Variants in FBXL17 observed in about 807,000 individuals in gnomAD.
FBXL17 encodes the protein F-box/LRR-repeat protein 17.
Under a neutral mutation model 66.2 loss-of-function variants are expected in FBXL17, and 22 were observed. That is an observed-to-expected ratio of 0.33 (90% CI 0.24 to 0.47). The LOEUF (loss-of-function observed/expected upper bound fraction) is 0.47, where lower values mean the gene tolerates loss of function less well. Ranked by LOEUF, FBXL17 falls within the 20% of genes least tolerant of loss-of-function variation. FBXL17 has a pLI of 1.00. For missense variants in FBXL17, 878 were observed against 948.2 expected (o/e 0.93, Z 0.97); for synonymous variants, 474 against 400.5 (o/e 1.18, Z -2.19).
chr5:108,186,861 T>G (rs914955426), intron 5 of FBXL17, among the ~76,000 whole-genome samples: 13 of 152,158 alleles, frequency 8.5e-5, no homozygotes, highest in African/African-American at 3.1e-4. Flanking sequence ...GGCAAGGTAT[T>G]GAATATATTA....
At chr5:108,111,066 C>T (rs993393925) in intron 6 of FBXL17, among the ~76,000 whole-genome samples, 3 of 152,042 alleles carry the variant, frequency 2.0e-5, no homozygotes, top group Non-Finnish European at 2.9e-5. Flanking sequence ...ACAGTTCCAG[C>T]TGAGCAGCAA....
intron 7 of FBXL17, among the ~76,000 whole-genome samples, chr5:107,925,210 G>A (rs1750487121): frequency 6.6e-6 from 1 of 152,126 alleles, no homozygotes; most frequent in South Asian, 2.1e-4. Context: ...AAACTCCCAA[G>A]TATATTTATT....
chr5:108,317,969 C>T (rs1382984829), intron 4 of FBXL17, among the ~76,000 whole-genome samples: 1 of 151,342 alleles, frequency 6.6e-6, no homozygotes, highest in Non-Finnish European at 1.5e-5. Flanking sequence ...TAAATAATTA[C>T]AAAATTATAT....
chr5:108,367,911 A>T lies in FBXL17; in HGVS notation c.1036T>A (p.Ser346Thr), dbSNP rs1439328830. 6.4e-7 allele frequency: 1 copy of T among 1,550,904 alleles called. No homozygotes were observed. Among genetic ancestry groups the T allele is most frequent in the African/African-American group, 1.4e-5 (1 of 73,008 alleles). Residue 346 changes from serine (S) to threonine (T), a missense_variant, in exon 2 of 9, where the codon TCA becomes ACA. Around this residue, in one of 4 missense-constraint regions of FBXL17, gnomAD observed 6 missense variants for 22.6 expected, o/e 0.27. Coordinates refer to ENST00000542267, the MANE Select transcript of FBXL17 (RefSeq NM_001163315.3). ...LSLDERCLSA[S>T]LVCKYWRDLC... is the part of the protein sequence containing the mutation. ...TCACGCCAGTACTTGCAAACCAATG[A>T]TGCGGAAAGGCAACGCTCATCCAGT...
chr5:108,117,185 T>A (rs534813357), intron 6 of FBXL17, among the ~76,000 whole-genome samples: 2 of 152,340 alleles, frequency 1.3e-5, no homozygotes, highest in African/African-American at 4.8e-5. Flanking sequence ...TGCATACATT[T>A]GGCTTTCATG....
intron 7 of FBXL17, among the ~76,000 whole-genome samples, chr5:107,969,238 A>T (rs527407167): frequency 2.6e-5 from 4 of 152,290 alleles, no homozygotes; most frequent in African/African-American, 9.6e-5. Context: ...ATGGATAAAT[A>T]GCTTTCCATA....
intron 7 of FBXL17, among the ~76,000 whole-genome samples, chr5:108,009,261 T>TTATATATATATATATATATA (rs375853217): frequency 4.8e-5 from 1 of 20,866 alleles, no homozygotes; most frequent in Non-Finnish European, 8.6e-5. Context: ...GTTCCCTGTT[T>TTATATATATATATATATATA]TATATATATA....
At chr5:107,887,967 A>T (rs758980717) in intron 7 of FBXL17, among the ~76,000 whole-genome samples, 4 of 152,192 alleles carry the variant, frequency 2.6e-5, no homozygotes, top group Non-Finnish European at 2.9e-5. Context: ...ACACTTTAAA[A>T]CAGTTTGGTC....
At chr5:107,869,705 G>C (rs527961930) in intron 8 of FBXL17, among the ~76,000 whole-genome samples, 30 of 152,182 alleles carry the variant, frequency 2.0e-4, no homozygotes, top group African/African-American at 7.0e-4. Flanking sequence ...GGTTTGCTGT[G>C]GTGAGAGCAG....
chr5:108,342,696 T>C (rs1434126168), intron 4 of FBXL17, among the ~76,000 whole-genome samples: 1 of 152,212 alleles, frequency 6.6e-6, no homozygotes, highest in South Asian at 2.1e-4. Flanking sequence ...AACTTCTTTA[T>C]GCCTCAATTA....
intron 2 of FBXL17, 55 bp from the exon 3 acceptor site, chr5:108,365,050 T>G: frequency 7.5e-7 from 1 of 1,327,220 alleles, no homozygotes; most frequent in South Asian, 1.4e-5. Context: ...AAACGTATTT[T>G]CCATTTTTTA....
chr5:107,920,477 A>T (rs1750277323), intron 7 of FBXL17, among the ~76,000 whole-genome samples: 1 of 152,220 alleles, frequency 6.6e-6, no homozygotes, highest in African/African-American at 2.4e-5. Context: ...TCATTTAATC[A>T]GCAAAATTAT....
chr5:108,381,540 C>G lies in FBXL17; in HGVS notation c.152G>C (p.Arg51Pro), dbSNP rs1008115137. The stretch of plus-strand genomic sequence containing the variant: ...GCAGGGCCCGCGGAAGAAGCAGTCC[C>G]GGCTCCGGGGCGCCGCCGGCTGAGG... ...VPPQPAAPRS[R>P]DCFFRGPCML... The change falls in exon 1 of 9, where the codon CGG becomes CCG. Residue 51 changes from arginine (R) to proline (P), a missense_variant. Physicochemically the swap from Arg to Pro is moderately radical, Grantham distance 103. Around this residue, in one of 4 missense-constraint regions of FBXL17, gnomAD observed 605 missense variants for 509.5 expected, o/e 1.19. Coordinates refer to ENST00000542267, the MANE Select transcript of FBXL17 (RefSeq NM_001163315.3). 3.5e-6 allele frequency: 5 copies of G among 1,425,208 alleles called. No homozygotes were observed. The highest frequency in any genetic ancestry group is 4.6e-6 in the Non-Finnish European group (5 of 1,098,144). 88.3% of individuals were successfully genotyped at this position (1,425,208 alleles called of 1,614,324 possible). A position where few individuals can be genotyped will look rare whatever the true frequency, so the allele number is the denominator to read the frequency against.
intron 3 of FBXL17, among the ~76,000 whole-genome samples, chr5:108,356,565 A>G (rs1398771237): frequency 1.3e-5 from 2 of 152,112 alleles, no homozygotes; most frequent in Non-Finnish European, 2.9e-5. Context: ...AAGGAATCCA[A>G]TCTAAAGGGG....
At chr5:108,267,135 C>G (rs1185495993) in intron 4 of FBXL17, among the ~76,000 whole-genome samples, 1 of 151,490 alleles carries the variant, frequency 6.6e-6, no homozygotes, top group Non-Finnish European at 1.5e-5. Flanking sequence ...TCAGGATTTT[C>G]CAATAATGGA....
At chr5:108,046,014 A>G (rs1019287730) in intron 6 of FBXL17, among the ~76,000 whole-genome samples, 2 of 152,172 alleles carry the variant, frequency 1.3e-5, no homozygotes, top group African/African-American at 4.8e-5. Flanking sequence ...TTCCTTGCTG[A>G]TATTTTCTAA....
intron 7 of FBXL17, among the ~76,000 whole-genome samples, chr5:107,948,279 G>A (rs775358283): frequency 6.6e-6 from 1 of 152,084 alleles, no homozygotes. Flanking sequence ...TCATAACCAT[G>A]TAATTAATTC....
At chr5:108,314,585 A>G (rs1400797030) in intron 4 of FBXL17, among the ~76,000 whole-genome samples, 1 of 151,550 alleles carries the variant, frequency 6.6e-6, no homozygotes, top group Non-Finnish European at 1.5e-5. Context: ...AATTTAATTC[A>G]GATTAATACT....
intron 4 of FBXL17, among the ~76,000 whole-genome samples, chr5:108,321,599 G>A (rs942442916): frequency 6.6e-6 from 1 of 151,812 alleles, no homozygotes; most frequent in African/African-American, 2.4e-5. Flanking sequence ...CATTGCTACT[G>A]CTCTATTACC....
Sources: allele counts gnomAD v4.1 joint callset (sites outside exome capture counted in the v4.1 genomes callset), GRCh38; gene constraint gnomAD v4.1.1; regional missense constraint gnomAD v4.1.1; transcripts MANE v1.5; gene names NCBI Gene and HGNC (gene_info 2026-07-23, HGNC 2026-07-21).